SLC24A2: variants seen among roughly 807,000 people sequenced by gnomAD.
SLC24A2 encodes solute carrier family 24 member 2.
A neutral mutation model predicts 62.0 loss-of-function variants in SLC24A2; 36 were observed. The ratio of observed to expected loss-of-function variants is 0.58; its 90% CI spans 0.44 to 0.77. The LOEUF (loss-of-function observed/expected upper bound fraction) is 0.77, where lower values mean the gene tolerates loss of function less well. SLC24A2 is among the 30% of genes least tolerant of loss of function. SLC24A2 has a pLI of 0.00. For synonymous variants in SLC24A2, 358 were observed against 294.0 expected (o/e 1.22, Z -2.23); for missense variants, 846 against 817.9 (o/e 1.03, Z -0.42).
the SLC24A2 span, among the ~76,000 whole-genome samples, chr9:20,004,187 G>A: frequency 4.6e-5 from 7 of 152,306 alleles, no homozygotes; most frequent in East Asian, 1.3e-3. Context: ...GGGAGCATGG[G>A]CTGCACTCAT....
chr9:19,838,455 C>CTA, the SLC24A2 span, among the ~76,000 whole-genome samples: 6 of 144,852 alleles, frequency 4.1e-5, no homozygotes, highest in East Asian at 1.2e-3. Flanking sequence ...AGACCTAAAA[C>CTA]CACACACACA....
chr9:19,943,796 T>A, the SLC24A2 span, among the ~76,000 whole-genome samples: 1 of 152,212 alleles, frequency 6.6e-6, no homozygotes, highest in African/African-American at 2.4e-5. Context: ...TCTTCACTAA[T>A]ACTTGAAAGC....
the SLC24A2 span, among the ~76,000 whole-genome samples, chr9:20,050,414 T>G: frequency 6.6e-6 from 1 of 151,984 alleles, no homozygotes; most frequent in East Asian, 1.9e-4. Flanking sequence ...AGACTGTGCC[T>G]CAAATAAATA....
At chr9:19,958,447 C>A in the SLC24A2 span, among the ~76,000 whole-genome samples, 40 of 152,230 alleles carry the variant, frequency 2.6e-4, no homozygotes, top group Non-Finnish European at 5.4e-4. Context: ...CTCCACAGTA[C>A]AGACAGAGGC....
At chr9:20,188,432 T>C in the SLC24A2 span, among the ~76,000 whole-genome samples, 1 of 152,308 alleles carries the variant, frequency 6.6e-6, no homozygotes, top group South Asian at 2.1e-4. Flanking sequence ...AGGTCCTGCA[T>C]GAGCAAATGA....
chr9:19,626,378 T>C (rs1818036736), intron 2 of SLC24A2, among the ~76,000 whole-genome samples: 1 of 152,218 alleles, frequency 6.6e-6, no homozygotes, highest in Admixed American at 6.5e-5. Flanking sequence ...TGGGTCACCA[T>C]GAAGACTTCA....
chr9:20,168,724 A>G, the SLC24A2 span, among the ~76,000 whole-genome samples: 3 of 152,036 alleles, frequency 2.0e-5, no homozygotes, highest in East Asian at 3.9e-4. Flanking sequence ...GCAAGAATGT[A>G]GAGGAATTGA....
intron 2 of SLC24A2, among the ~76,000 whole-genome samples, chr9:19,703,391 A>AG (rs1396543928): frequency 2.6e-5 from 4 of 152,134 alleles, no homozygotes; most frequent in African/African-American, 9.7e-5. Context: ...TTGGAGTGAG[A>AG]GGGGTTGCAG....
chr9:20,016,106 T>A, the SLC24A2 span, among the ~76,000 whole-genome samples: 2 of 152,222 alleles, frequency 1.3e-5, no homozygotes, highest in Non-Finnish European at 2.9e-5. Context: ...TTTTGAACTA[T>A]AAGAGGAATG....
the SLC24A2 span, among the ~76,000 whole-genome samples, chr9:20,207,907 T>A: frequency 6.6e-6 from 1 of 152,242 alleles, no homozygotes; most frequent in Non-Finnish European, 1.5e-5. Flanking sequence ...GTGTTTATTT[T>A]TTACTTTAAT....
At chr9:19,630,725 A>G (rs1269076435) in intron 2 of SLC24A2, among the ~76,000 whole-genome samples, 1 of 152,230 alleles carries the variant, frequency 6.6e-6, no homozygotes, top group East Asian at 1.9e-4. Context: ...TGGAATTTCC[A>G]GGAAGCAAAA....
At chr9:20,177,161 C>A in the SLC24A2 span, among the ~76,000 whole-genome samples, 3 of 151,916 alleles carry the variant, frequency 2.0e-5, no homozygotes, top group African/African-American at 7.2e-5. Flanking sequence ...TATCTTTATT[C>A]TTGATATAGG....
At chr9:19,827,997 A>G in the SLC24A2 span, among the ~76,000 whole-genome samples, 2 of 152,332 alleles carry the variant, frequency 1.3e-5, no homozygotes, top group South Asian at 2.1e-4. Flanking sequence ...CAGAGGCTTC[A>G]TGACAGAAAG....
the SLC24A2 span, among the ~76,000 whole-genome samples, chr9:20,159,962 G>C: frequency 2.0e-5 from 3 of 151,634 alleles, no homozygotes; most frequent in East Asian, 3.9e-4. Context: ...AATAATAAGT[G>C]TGGATAGGCT....
intron 1 of SLC24A2, chr9:19,788,400 C>A (rs1823243625): frequency 1.6e-6 from 1 of 629,924 alleles, no homozygotes; most frequent in African/African-American, 2.0e-5. Context: ...GAAAACCCAC[C>A]GCTCGTCTCC....
chr9:19,576,303 C>T (rs1836008006), intron 6 of SLC24A2, among the ~76,000 whole-genome samples: 2 of 152,284 alleles, frequency 1.3e-5, no homozygotes, highest in East Asian at 1.9e-4. Context: ...AGAGAAGGAA[C>T]ATCATGTTCC....
the SLC24A2 span, among the ~76,000 whole-genome samples, chr9:19,954,732 G>A: frequency 6.6e-6 from 1 of 152,036 alleles, no homozygotes; most frequent in Non-Finnish European, 1.5e-5. Flanking sequence ...CTAACTCTGA[G>A]GAACATCTTT....
At chr9:20,090,202 C>T in the SLC24A2 span, among the ~76,000 whole-genome samples, 96 of 152,298 alleles carry the variant, frequency 6.3e-4, no homozygotes, top group African/African-American at 2.1e-3. Flanking sequence ...GCACAGAGCC[C>T]CCATCCAGGG....
chr9:19,902,384 G>A, the SLC24A2 span, among the ~76,000 whole-genome samples: 6 of 152,140 alleles, frequency 3.9e-5, no homozygotes, highest in Admixed American at 3.9e-4. Context: ...AAGGAGAAAA[G>A]CCTTATGCCT....
Sources: gnomAD v4.1 joint callset for allele counts (sites outside exome capture counted in the v4.1 genomes callset) on GRCh38, gnomAD v4.1.1 for gene constraint, MANE v1.5 for transcripts, NCBI Gene and HGNC (gene_info 2026-07-23, HGNC 2026-07-21) for gene names.